RGCC: variants seen among roughly 807,000 people sequenced by gnomAD.
The protein encoded by RGCC is regulator of cell cycle RGCC.
RGCC carries 15 observed loss-of-function variants against 15.4 expected under a neutral mutation model. That is an observed-to-expected ratio of 0.97 (90% CI 0.65 to 1.50). RGCC has a LOEUF of 1.50. Ranked by LOEUF, RGCC falls within the 40% of genes most tolerant of loss-of-function variation. The pLI is 0.00. For missense variants in RGCC, 176 were observed against 189.7 expected, an observed-to-expected ratio of 0.93 and a Z score of 0.42; for synonymous variants, 81 against 78.0, an observed-to-expected ratio of 1.04 and a Z score of -0.20.
intron 2 of RGCC, among the ~76,000 whole-genome samples, chr13:41,459,493 G>T (rs551927385): frequency 4.6e-5 from 7 of 152,266 alleles, no homozygotes; most frequent in South Asian, 4.1e-4. Flanking sequence ...TTGTTCCTGG[G>T]CTAAGATTCG....
Position 41,457,639 on chromosome 13 carries a change from C to G in RGCC, c.-69C>G. 1 of 1,499,786 alleles carries G rather than the reference C, an allele frequency of 6.7e-7. No homozygotes were observed. The highest frequency in any genetic ancestry group is 1.3e-5 in the South Asian group (1 of 79,828). 92.9% of individuals were successfully genotyped at this position (1,499,786 alleles called of 1,614,324 possible). On this transcript the variant is annotated 5_prime_UTR_variant, in exon 1 of 5. Transcript: ENST00000379359. This position sits in a 1 kb window ranked among gnomAD's most constrained non-coding sequence, Gnocchi z 4.9. Reference sequence around the variant, plus strand: ...GCTGAAGTGTGCGGGACAGCAAGCCCCCGAATAGCCCCGGCTGCCACCTCG... The same window carrying G: ...GCTGAAGTGTGCGGGACAGCAAGCCGCCGAATAGCCCCGGCTGCCACCTCG...
chr13:41,468,534 G>A (rs2043859071), intron 3 of RGCC, among the ~76,000 whole-genome samples: 1 of 152,220 alleles, frequency 6.6e-6, no homozygotes, highest in Non-Finnish European at 1.5e-5. Context: ...ACTTAGGCTA[G>A]TCTTCAGAAT....
intron 2 of RGCC, among the ~76,000 whole-genome samples, chr13:41,464,461 G>T (rs1176661247): frequency 6.6e-6 from 1 of 152,134 alleles, no homozygotes; most frequent in African/African-American, 2.4e-5. Flanking sequence ...GCCCACCTTT[G>T]GAGGTGGGCT....
intron 3 of RGCC, among the ~76,000 whole-genome samples, chr13:41,468,361 A>G (rs191993564): frequency 1.6e-3 from 249 of 152,324 alleles, no homozygotes; most frequent in Non-Finnish European, 3.5e-4. Context: ...CTAATAACTC[A>G]TATTCTACAC....
chr13:41,458,467 G>C lies in RGCC; in HGVS notation c.232G>C (p.Glu78Gln). ...VSDSSGFSDS[E>Q]SADSLYRNSF... Reference sequence around the variant, plus strand: ...CGACAGCAGCGGCTTCAGCGACTCGGAGAGTAAGTGCGGCCCCCGCTAGGA... The same window carrying C: ...CGACAGCAGCGGCTTCAGCGACTCGCAGAGTAAGTGCGGCCCCCGCTAGGA... Residue 78 changes from glutamate (E) to glutamine (Q), a missense_variant, in exon 2 of 5, where the codon GAG (glutamate) becomes CAG (glutamine). Glu to Gln is a conservative substitution (Grantham distance 29). Transcript: ENST00000379359. This position sits in a 1 kb window ranked among gnomAD's most constrained non-coding sequence, Gnocchi z 4.4. 1 of 1,595,282 alleles carries C rather than the reference G, an allele frequency of 6.3e-7. No individual in the cohort carries two copies. Among genetic ancestry groups the C allele is most frequent in the Non-Finnish European group, 8.5e-7 (1 of 1,176,130 alleles).
At position 41,457,742 on chromosome 13, in the gene RGCC, C is replaced by G; in HGVS notation, c.35C>G (p.Ala12Gly). The G allele has an allele frequency of 7.1e-7, 1 of 1,399,496 alleles. No homozygotes were observed. The allele number at this position is 1,399,496 out of a possible 1,614,324, so 86.7% of individuals were successfully genotyped here. A position where few individuals can be genotyped will look rare whatever the true frequency, so the allele number is the denominator to read the frequency against. Residue 12 changes from alanine to glycine, a missense_variant, in exon 1 of 5, where the codon GCC becomes GGC. Ala to Gly is a moderately conservative substitution (Grantham distance 60). Coordinates refer to ENST00000379359, the MANE Select transcript of RGCC (RefSeq NM_014059.3). This position sits in a 1 kb window ranked among gnomAD's most constrained non-coding sequence, Gnocchi z 4.9. ...CCCGCGGCGCAGGGCAGCCCCGCGG[C>G]CGCCGCGGCCGCAGGTGAGTGCGGG... ...KPPAAQGSPAAAAAAAPALDS... is the reference protein window; with the variant it reads ...KPPAAQGSPAGAAAAAPALDS...
In RGCC at chr13:41,457,731, C is replaced by A. The variant is rs1042742815; in HGVS notation, c.24C>A (p.Gly8=). 1.4e-6 allele frequency: 2 copies of A among 1,422,416 alleles called. No homozygotes were observed. Among genetic ancestry groups the A allele is most frequent in the Non-Finnish European group, 9.1e-7 (1 of 1,093,016 alleles). The allele number at this position is 1,422,416 out of a possible 1,614,324, so 88.1% of individuals were successfully genotyped here. A position where few individuals can be genotyped will look rare whatever the true frequency, so the allele number is the denominator to read the frequency against. Residue 8 remains glycine (G), a synonymous_variant, in exon 1 of 5, where the codon GGC becomes GGA. Coordinates refer to ENST00000379359, the MANE Select transcript of RGCC (RefSeq NM_014059.3). This position sits in a 1 kb window ranked among gnomAD's most constrained non-coding sequence, Gnocchi z 4.9. MKPPAAQ[G]SPAAAAAAAP... The stretch of plus-strand genomic sequence containing the variant: ...TCATGAAGCCGCCCGCGGCGCAGGG[C>A]AGCCCCGCGGCCGCCGCGGCCGCAG...
intron 2 of RGCC, among the ~76,000 whole-genome samples, chr13:41,462,542 C>T (rs922594472): frequency 3.1e-4 from 47 of 152,144 alleles, no homozygotes; most frequent in African/African-American, 1.1e-3. Context: ...ATTGTAAGGC[C>T]CTCAAATATC....
At chr13:41,461,792 C>T (rs558287258) in intron 2 of RGCC, among the ~76,000 whole-genome samples, 13 of 152,194 alleles carry the variant, frequency 8.5e-5, no homozygotes, top group Non-Finnish European at 1.2e-4. Flanking sequence ...CCCTGGAGAA[C>T]CAGCATGACA....
rs367781628 is a variant in RGCC at position 41,468,811 on chromosome 13, A to G, written c.379A>G (p.Ile127Val). 10 of 1,607,840 alleles carry G rather than the reference A, an allele frequency of 6.2e-6. No homozygotes were observed. The East Asian group carries it at 8.9e-5, about 14-fold the overall frequency. The change falls in exon 4 of 5, where the codon ATT becomes GTT. Residue 127 changes from isoleucine (I) to valine (V), a missense_variant. Physicochemically the swap from Ile to Val is conservative, Grantham distance 29 (BLOSUM62 3). Coordinates refer to ENST00000379359, the MANE Select transcript of RGCC (RefSeq NM_014059.3). ...LGDTKELEAF[I>V]ADLDKTLASM The stretch of plus-strand genomic sequence containing the variant: ...AGACACAAAAGAGCTAGAAGCCTTC[A>G]TTGCTGATCTTGACAAAACTTTAGC...
intron 4 of RGCC, 97 bp downstream of exon 4, chr13:41,468,935 A>G (rs1230656072): frequency 1.1e-6 from 1 of 946,234 alleles, no homozygotes; most frequent in Non-Finnish European, 1.6e-6. Flanking sequence ...CTGGGGCAGA[A>G]AGTTTCATCC....
chr13:41,458,675 G>A lies in RGCC; in HGVS notation c.235+205G>A, dbSNP rs2043806414. 1.3e-5 allele frequency among the ~76,000 whole-genome samples: 2 copies of A among 152,308 alleles called. No individual in the cohort carries two copies. Among genetic ancestry groups the A allele is most frequent in the Admixed American group, 6.5e-5 (1 of 15,298 alleles). ...GCAGGTTGGTTCACTTGCCGCCCACGGGTGTGTCACCAGGCAGGCGAGTTT... is the reference window on the plus strand; with the variant it reads ...GCAGGTTGGTTCACTTGCCGCCCACAGGTGTGTCACCAGGCAGGCGAGTTT... On this transcript the variant is annotated intron_variant, in intron 2 of 4. Transcript: ENST00000379359. The surrounding 1 kb of genome is among the most constrained non-coding windows in gnomAD (Gnocchi z 4.4).
intron 4 of RGCC, among the ~76,000 whole-genome samples, chr13:41,469,338 G>A (rs2043865044): frequency 6.7e-6 from 1 of 149,476 alleles, no homozygotes; most frequent in Non-Finnish European, 1.5e-5. Flanking sequence ...GAAGAAACAG[G>A]ACTCTAGTGG....
At chr13:41,461,964 A>G (rs1243933659) in intron 2 of RGCC, among the ~76,000 whole-genome samples, 2 of 152,236 alleles carry the variant, frequency 1.3e-5, no homozygotes, top group Non-Finnish European at 2.9e-5. Context: ...ATAGAGGGAC[A>G]GTGCGATCCC....
intron 3 of RGCC, 66 bp downstream of exon 3, chr13:41,466,996 T>C (rs180896752): frequency 2.7e-4 from 266 of 985,472 alleles, no homozygotes; most frequent in Non-Finnish European, 4.2e-4. Flanking sequence ...CAATCCCTTC[T>C]CTGTCCCTTT....
At chr13:41,462,432 G>A (rs1013943602) in intron 2 of RGCC, among the ~76,000 whole-genome samples, 2 of 152,090 alleles carry the variant, frequency 1.3e-5, no homozygotes, top group Non-Finnish European at 2.9e-5. Context: ...CAGAATTTGA[G>A]GTTCCTGACT....
chr13:41,462,761 G>A (rs555175986), intron 2 of RGCC, among the ~76,000 whole-genome samples: 5 of 152,290 alleles, frequency 3.3e-5, no homozygotes, highest in Admixed American at 1.3e-4. Flanking sequence ...CAGGATGTCC[G>A]GCTTTGCCTA....
chr13:41,468,924 C>T (rs539602475), intron 4 of RGCC, 86 bp downstream of exon 4: 78 of 1,057,454 alleles, frequency 7.4e-5, no homozygotes, highest in Non-Finnish European at 9.9e-5. Context: ...ACCAGCTTGC[C>T]CTGGGGCAGA....
In RGCC at chr13:41,457,589, G is replaced by T. The variant is rs952398727; in HGVS notation, c.-119G>T. ...CCGTGCTGGGAGCGGCGCGGCTGGA[G>T]CGCAGCGCCGAAGGGACTGGCAGGG... On this transcript the variant is annotated 5_prime_UTR_variant, in exon 1 of 5. Coordinates refer to ENST00000379359, the MANE Select transcript of RGCC (RefSeq NM_014059.3). The surrounding 1 kb of genome is among the most constrained non-coding windows in gnomAD (Gnocchi z 4.9). 6 of 1,413,228 alleles carry T rather than the reference G, an allele frequency of 4.2e-6. No homozygotes were observed. The highest frequency in any genetic ancestry group is 2.5e-4 in the Middle Eastern group (1 of 3,944). 87.5% of individuals were successfully genotyped at this position (1,413,228 alleles called of 1,614,324 possible). A position where few individuals can be genotyped will look rare whatever the true frequency, so the allele number is the denominator to read the frequency against.
Sources: gnomAD v4.1 joint callset for allele counts (sites outside exome capture counted in the v4.1 genomes callset) on GRCh38, gnomAD v4.1.1 for gene constraint, Gnocchi (gnomAD v3.1) non-coding constraint, MANE v1.5 for transcripts, NCBI Gene and HGNC (gene_info 2026-07-23, HGNC 2026-07-21) for gene names.